ZNF385D: variants seen among roughly 807,000 people sequenced by gnomAD.
The protein encoded by ZNF385D is zinc finger protein 659.
ZNF385D carries 15 observed loss-of-function variants against 35.8 expected under a neutral mutation model. That is an observed-to-expected ratio of 0.42 (90% CI 0.28 to 0.64). ZNF385D has a LOEUF of 0.64. ZNF385D is among the 30% of genes least tolerant of loss of function. The pLI, the probability that ZNF385D is intolerant of heterozygous loss-of-function variation, is 0.23. For missense variants in ZNF385D, 474 were observed against 494.6 expected (o/e 0.96, Z 0.39); for synonymous variants, 212 against 186.8 (o/e 1.13, Z -1.10).
chr3:22,010,864 A>G (rs756023654), intron 3 of ZNF385D, among the ~76,000 whole-genome samples: 2 of 152,174 alleles, frequency 1.3e-5, no homozygotes, highest in Non-Finnish European at 2.9e-5. Flanking sequence ...AGCTATTTCA[A>G]TAAATTATGT....
intron 3 of ZNF385D, among the ~76,000 whole-genome samples, chr3:21,861,082 G>A (rs1680189230): frequency 6.6e-6 from 1 of 152,202 alleles, no homozygotes; most frequent in African/African-American, 2.4e-5. Context: ...ATCCACTCAA[G>A]GTCAAACAAA....
chr3:22,105,559 T>C (rs1230990516), intron 3 of ZNF385D, among the ~76,000 whole-genome samples: 5 of 152,068 alleles, frequency 3.3e-5, no homozygotes, highest in African/African-American at 9.7e-5. Flanking sequence ...GTGGTGTAGT[T>C]TGAAGACCTG....
intron 2 of ZNF385D, among the ~76,000 whole-genome samples, chr3:21,602,909 A>T (rs2064357925): frequency 6.6e-6 from 1 of 152,168 alleles, no homozygotes. Flanking sequence ...AAGCTACTTT[A>T]AAAACCTTCT....
chr3:21,531,059 T>C (rs2061910504), intron 3 of ZNF385D, among the ~76,000 whole-genome samples: 1 of 152,184 alleles, frequency 6.6e-6, no homozygotes, highest in Non-Finnish European at 1.5e-5. Context: ...AAGTTCATAA[T>C]ACATGATAGC....
chr3:21,936,406 G>A (rs940848695), intron 3 of ZNF385D, among the ~76,000 whole-genome samples: 1 of 149,638 alleles, frequency 6.7e-6, no homozygotes, highest in East Asian at 2.0e-4. Flanking sequence ...TTTTTTTTTG[G>A]CTATGTCAGC....
At chr3:22,214,287 A>C (rs943738436) in intron 2 of ZNF385D, among the ~76,000 whole-genome samples, 2 of 151,968 alleles carry the variant, frequency 1.3e-5, no homozygotes, top group Non-Finnish European at 2.9e-5. Context: ...TTAATCTTTT[A>C]GTCTTATTAT....
chr3:21,536,855 A>C (rs943860100), intron 3 of ZNF385D, among the ~76,000 whole-genome samples: 4 of 152,178 alleles, frequency 2.6e-5, no homozygotes, highest in Non-Finnish European at 4.4e-5. Context: ...AGCTTGAAGA[A>C]GCAAAGCACG....
At chr3:22,244,928 C>T (rs1486373684) in intron 2 of ZNF385D, among the ~76,000 whole-genome samples, 1 of 151,972 alleles carries the variant, frequency 6.6e-6, no homozygotes, top group Non-Finnish European at 1.5e-5. Context: ...GTGATTTCTA[C>T]AATTTGTGCT....
At chr3:21,930,577 CA>C (rs1559764880) in intron 3 of ZNF385D, among the ~76,000 whole-genome samples, 1 of 151,914 alleles carries the variant, frequency 6.6e-6, no homozygotes, top group African/African-American at 2.4e-5. Flanking sequence ...TATCAATTGT[CA>C]AAATTTTACT....
intron 3 of ZNF385D, among the ~76,000 whole-genome samples, chr3:21,761,669 G>C (rs1302914078): frequency 3.9e-5 from 6 of 152,086 alleles, no homozygotes; most frequent in Admixed American, 3.9e-4. Context: ...AGTGAAGAGT[G>C]CATGTCAACT....
intron 3 of ZNF385D, among the ~76,000 whole-genome samples, chr3:22,152,418 T>A (rs1166383929): frequency 1.3e-5 from 2 of 152,112 alleles, no homozygotes; most frequent in East Asian, 3.9e-4. Flanking sequence ...ACAAAACAAA[T>A]TTATCATACA....
At chr3:21,606,767 A>G (rs772624310) in intron 2 of ZNF385D, among the ~76,000 whole-genome samples, 8 of 152,184 alleles carry the variant, frequency 5.3e-5, no homozygotes, top group Non-Finnish European at 1.2e-4. Context: ...CATTGTCAGA[A>G]CAGCCCTGCC....
intron 1 of ZNF385D, among the ~76,000 whole-genome samples, chr3:21,737,676 C>A (rs960202242): frequency 5.9e-5 from 9 of 152,042 alleles, no homozygotes; most frequent in African/African-American, 2.2e-4. Context: ...TCAAAAAGTA[C>A]AAAAATATTC....
chr3:21,511,919 T>C (rs1298664810), intron 3 of ZNF385D, among the ~76,000 whole-genome samples: 2 of 149,550 alleles, frequency 1.3e-5, no homozygotes, highest in Non-Finnish European at 3.0e-5. Flanking sequence ...GAGGCTGAGG[T>C]GGGTGGATCA....
chr3:22,347,919 C>G (rs1695731479), intron 2 of ZNF385D, among the ~76,000 whole-genome samples: 1 of 152,164 alleles, frequency 6.6e-6, no homozygotes, highest in Admixed American at 6.5e-5. Flanking sequence ...TGTGCAATAT[C>G]TAGAGTTGCC....
chr3:22,034,624 T>C (rs936234356), intron 3 of ZNF385D, among the ~76,000 whole-genome samples: 5 of 152,190 alleles, frequency 3.3e-5, no homozygotes, highest in Admixed American at 1.3e-4. Flanking sequence ...AAGAAATAGA[T>C]GTTGGAGCTA....
At chr3:21,424,319 T>TATATA (rs1160001393) in intron 6 of ZNF385D, among the ~76,000 whole-genome samples, 19 of 28,166 alleles carry the variant, frequency 6.7e-4, no homozygotes, top group African/African-American at 2.3e-3. Flanking sequence ...ATATATATAT[T>TATATA]TTTTTTTTTT....
intron 3 of ZNF385D, among the ~76,000 whole-genome samples, chr3:21,908,377 G>T (rs964504746): frequency 1.3e-5 from 2 of 152,156 alleles, no homozygotes; most frequent in South Asian, 4.1e-4. Flanking sequence ...TATTGAGATT[G>T]GTATTATGCT....
At chr3:21,620,994 G>A (rs936607117) in intron 2 of ZNF385D, among the ~76,000 whole-genome samples, 2 of 151,312 alleles carry the variant, frequency 1.3e-5, no homozygotes, top group Admixed American at 1.3e-4. Context: ...ACATGTGTGT[G>A]TGCGCACACA....
Sources: gnomAD v4.1 joint callset for allele counts (sites outside exome capture counted in the v4.1 genomes callset) on GRCh38, gnomAD v4.1.1 for gene constraint, MANE v1.5 for transcripts, NCBI Gene and HGNC (gene_info 2026-07-23, HGNC 2026-07-21) for gene names.